Variants in CA5A observed in about 807,000 individuals in gnomAD.
The protein encoded by CA5A is carbonic anhydrase 5A, mitochondrial.
In CA5A, 28 loss-of-function variants were observed where a neutral mutation model predicts 37.1. The ratio of observed to expected loss-of-function variants is 0.75; its 90% CI spans 0.56 to 1.03. CA5A has a LOEUF of 1.03. Ranked by LOEUF, CA5A falls within the 50% of genes least tolerant of loss-of-function variation. The probability of loss-of-function intolerance (pLI) is 0.00; values close to 1 mark genes in which losing one functional copy is unlikely to be tolerated. For synonymous variants in CA5A, 171 were observed against 158.4 expected (o/e 1.08, Z -0.60); for missense variants, 444 against 399.9 (o/e 1.11, Z -0.94).
chr16:87,935,802 G>C (rs1225482108), intron 1 of CA5A, among the ~76,000 whole-genome samples: 1 of 152,076 alleles, frequency 6.6e-6, no homozygotes, highest in Non-Finnish European at 1.5e-5. Flanking sequence ...CTTGAACCTG[G>C]AGGGCAGAGG....
chr16:87,936,105 G>A (rs542116341), intron 1 of CA5A, among the ~76,000 whole-genome samples: 6 of 151,346 alleles, frequency 4.0e-5, no homozygotes, highest in African/African-American at 1.2e-4. Context: ...CCGGGAAGTG[G>A]AGGTTGTGGT....
chr16:87,910,501 G>C (rs1224812248), intron 2 of CA5A, among the ~76,000 whole-genome samples: 1 of 152,176 alleles, frequency 6.6e-6, no homozygotes, highest in African/African-American at 2.4e-5. Context: ...TAGGGTTCAG[G>C]CCAAACTCTG....
chr16:87,901,869 G>T, intron 5 of CA5A, 43 bp downstream of exon 5: 3 of 1,567,912 alleles, frequency 1.9e-6, no homozygotes, highest in Admixed American at 1.7e-5. Flanking sequence ...TTACAGGCGT[G>T]AGCCTCCGCG....
intron 6 of CA5A, among the ~76,000 whole-genome samples, chr16:87,889,994 T>G (rs2055690380): frequency 6.6e-6 from 1 of 152,198 alleles, no homozygotes; most frequent in Non-Finnish European, 1.5e-5. Context: ...TCCTGGGCCG[T>G]GACCACGGTG....
At chr16:87,887,257 T>C (rs1212742967), downstream of CA5A, 1 of 152,108 alleles carries the variant, frequency 6.6e-6, no homozygotes, top group African/African-American at 2.4e-5. Context: ...TTTCTGGTTT[T>C]ATCCTGCCAG....
At chr16:87,903,042 G>T (rs2055903674) in intron 3 of CA5A, among the ~76,000 whole-genome samples, 1 of 152,136 alleles carries the variant, frequency 6.6e-6, no homozygotes, top group Non-Finnish European at 1.5e-5. Context: ...CTGGTGGGGG[G>T]GGAAAGGAGA....
intron 2 of CA5A, among the ~76,000 whole-genome samples, chr16:87,907,390 A>G (rs1460501627): frequency 6.6e-6 from 1 of 152,290 alleles, no homozygotes; most frequent in African/African-American, 2.4e-5. Context: ...ATCAAAGTGC[A>G]TTGATGGGTG....
Position 87,894,215 on chromosome 16 carries a change from C to T in CA5A, c.619-2261G>A, listed in dbSNP as rs1376188958. Among the ~76,000 whole-genome samples the T allele has an allele frequency of 3.9e-5, 6 of 152,022 alleles. No individual in the cohort carries two copies. The East Asian group carries it at 9.6e-4, about 24-fold the overall frequency. The stretch of plus-strand genomic sequence containing the variant: ...ATGATCTCAGCTCACGGTGGTTGGG[C>T]CTGGCCGCAACACAGCCCTCATCAG... On this transcript the variant is annotated intron_variant, in intron 5 of 6. Transcript: ENST00000649794.
At chr16:87,899,919 C>CAA (rs565557401) in intron 5 of CA5A, among the ~76,000 whole-genome samples, 1,225 of 46,522 alleles carry the variant, frequency 0.026, 36 homozygotes, top group Non-Finnish European at 0.033. Context: ...GATTTTATCT[C>CAA]AAAAAAAAAA....
At chr16:87,934,717 T>C (rs946682813) in intron 1 of CA5A, among the ~76,000 whole-genome samples, 10 of 152,290 alleles carry the variant, frequency 6.6e-5, no homozygotes, top group Non-Finnish European at 1.0e-4. Flanking sequence ...CCCAGCACTT[T>C]AGGAGGCCGA....
chr16:87,893,125 C>CCTTTCTTCCTTT (rs1555519768), intron 5 of CA5A: 1 of 522,246 alleles, frequency 1.9e-6, no homozygotes, highest in African/African-American at 2.0e-5. Flanking sequence ...TTTCTTTCTT[C>CCTTTCTTCCTTT]CTTTCTTTCT....
chr16:87,936,301 C>A lies in CA5A; in HGVS notation c.142+8G>T, dbSNP rs759843807. The A allele has an allele frequency of 4.0e-5, 64 of 1,605,786 alleles. No individual in the cohort carries two copies. The highest frequency in any genetic ancestry group is 5.4e-5 in the Non-Finnish European group (63 of 1,173,038). Reference sequence around the variant, plus strand: ...GTCGCATCTTAGGAAATTTGAGGCTCTACTTACAAGTGTTATTGCTGGTTT... The same window carrying A: ...GTCGCATCTTAGGAAATTTGAGGCTATACTTACAAGTGTTATTGCTGGTTT... On this transcript the variant is annotated splice_region_variant and intron_variant, in intron 1 of 6. Coordinates refer to ENST00000649794, the MANE Select transcript of CA5A (RefSeq NM_001739.2).
chr16:87,901,284 A>C (rs1361780840), intron 5 of CA5A, among the ~76,000 whole-genome samples: 2 of 152,232 alleles, frequency 1.3e-5, no homozygotes, highest in African/African-American at 4.8e-5. Flanking sequence ...TCCCATTGGC[A>C]GGCAGATATG....
chr16:87,934,093 C>T (rs1245729824), intron 1 of CA5A, among the ~76,000 whole-genome samples: 13 of 152,370 alleles, frequency 8.5e-5, no homozygotes, highest in South Asian at 6.2e-4. Context: ...GGGCACCCAC[C>T]GCTGCCTGTG....
At chr16:87,936,249 GA>G in intron 1 of CA5A, 59 bp downstream of exon 1, 1 of 1,197,324 alleles carries the variant, frequency 8.4e-7, no homozygotes, top group African/African-American at 1.5e-5. Flanking sequence ...CCTCTCGAAA[GA>G]CCCCATCAGC....
intron 2 of CA5A, among the ~76,000 whole-genome samples, chr16:87,917,743 A>ACAGTGCACATG (rs1567530509): frequency 2.7e-4 from 26 of 97,716 alleles, no homozygotes; most frequent in Admixed American, 1.2e-3. Context: ...ATGAACACAC[A>ACAGTGCACATG]TGCACACATG....
chr16:87,933,050 G>A (rs757488368), intron 1 of CA5A, among the ~76,000 whole-genome samples: 6 of 152,332 alleles, frequency 3.9e-5, no homozygotes, highest in Non-Finnish European at 8.8e-5. Flanking sequence ...CAGTGAGCAG[G>A]CCTGCACCCA....
At chr16:87,890,709 A>C (rs1597540268) in intron 6 of CA5A, among the ~76,000 whole-genome samples, 1 of 152,228 alleles carries the variant, frequency 6.6e-6, no homozygotes. Context: ...TCCGCCTTCC[A>C]GGTTCAAGTG....
intron 1 of CA5A, among the ~76,000 whole-genome samples, chr16:87,928,406 C>G (rs889329860): frequency 3.9e-5 from 6 of 152,156 alleles, no homozygotes; most frequent in African/African-American, 9.7e-5. Context: ...TCAAGTGATT[C>G]TCCTGCCTGT....
Sources: gnomAD v4.1 joint callset for allele counts (sites outside exome capture counted in the v4.1 genomes callset) on GRCh38, gnomAD v4.1.1 for gene constraint, MANE v1.5 for transcripts, NCBI Gene and HGNC (gene_info 2026-07-23, HGNC 2026-07-21) for gene names.